Variants in ART3 observed in about 807,000 individuals in gnomAD.
The protein encoded by ART3 is ADP-ribosyltransferase 3 (inactive).
ART3 carries 49 observed loss-of-function variants against 48.5 expected under a neutral mutation model. The observed-to-expected ratio is 1.01, with a 90% confidence interval of 0.80 to 1.28. The LOEUF (loss-of-function observed/expected upper bound fraction) is 1.28, where lower values mean the gene tolerates loss of function less well. ART3 is among the 50% of genes most tolerant of loss of function. The pLI, the probability that ART3 is intolerant of heterozygous loss-of-function variation, is 0.00. For synonymous variants in ART3, 145 were observed against 157.2 expected (o/e 0.92, Z 0.58); for missense variants, 438 against 454.3 (o/e 0.96, Z 0.33).
At chr4:76,090,403 T>C (rs560707696) in intron 3 of ART3, among the ~76,000 whole-genome samples, 7 of 152,234 alleles carry the variant, frequency 4.6e-5, no homozygotes, top group Admixed American at 3.3e-4. Context: ...GTAACAGCCC[T>C]GCAGAAAGAG....
At chr4:76,095,835 C>G (rs752382440) in intron 3 of ART3, among the ~76,000 whole-genome samples, 5 of 152,204 alleles carry the variant, frequency 3.3e-5, no homozygotes, top group Admixed American at 1.3e-4. Context: ...CTGTAGCTTT[C>G]TTATCCACAA....
In ART3 at chr4:76,112,775, ATT is replaced by A. The variant is rs1729722092; in HGVS notation, c.*259_*260del. Reference sequence around the variant, plus strand: ...TACTTCTGATTAAATTCAATAAAAGATTTTGATTAGATATTTCAGAATTGCCA... The same window carrying A: ...TACTTCTGATTAAATTCAATAAAAGATTGATTAGATATTTCAGAATTGCCA... On this transcript the variant is annotated 3_prime_UTR_variant, in exon 12 of 12. Transcript: ENST00000355810. 6.1e-6 allele frequency: 2 copies of A among 330,358 alleles called. No individual in the cohort carries two copies. The highest frequency in any genetic ancestry group is 4.7e-5 in the Admixed American group (1 of 21,470). 20.5% of individuals were successfully genotyped at this position (330,358 alleles called of 1,614,324 possible). A position where few individuals can be genotyped will look rare whatever the true frequency, so the allele number is the denominator to read the frequency against.
At chr4:76,022,478 A>G (rs1406851593) in intron 1 of ART3, 1 of 1,600,868 alleles carries the variant, frequency 6.2e-7, no homozygotes, top group African/African-American at 1.3e-5. Context: ...ATAGGGATGA[A>G]AATATTTAAA....
chr4:76,067,546 G>T (rs1205497982), intron 1 of ART3, among the ~76,000 whole-genome samples: 1 of 152,226 alleles, frequency 6.6e-6, no homozygotes, highest in African/African-American at 2.4e-5. Context: ...AGAACTAACA[G>T]AGAACAGAGA....
chr4:76,047,495 C>T (rs1489475176), intron 1 of ART3, among the ~76,000 whole-genome samples: 1 of 152,038 alleles, frequency 6.6e-6, no homozygotes, highest in Non-Finnish European at 1.5e-5. Context: ...TAAGGCCTCT[C>T]ATAGCCGCTC....
chr4:76,083,883 T>C (rs918078449), intron 3 of ART3, among the ~76,000 whole-genome samples: 5 of 152,128 alleles, frequency 3.3e-5, no homozygotes, highest in African/African-American at 9.7e-5. Flanking sequence ...AAATGGCTGT[T>C]AGATCAGTAA....
chr4:76,078,648 T>A (rs56693549), intron 2 of ART3, among the ~76,000 whole-genome samples: 3,754 of 51,088 alleles, frequency 0.073, 151 homozygotes, highest in African/African-American at 0.28. Context: ...TAAAATGGTG[T>A]TAACTATTTT....
chr4:76,068,847 T>C (rs1423503478), intron 1 of ART3, among the ~76,000 whole-genome samples: 1 of 152,112 alleles, frequency 6.6e-6, no homozygotes, highest in Non-Finnish European at 1.5e-5. Flanking sequence ...TGGGTTTTGT[T>C]TTTGTTTTTG....
At chr4:76,022,628 A>C in intron 1 of ART3, 1 of 1,531,180 alleles carries the variant, frequency 6.5e-7, no homozygotes, top group South Asian at 1.2e-5. Flanking sequence ...TATTATCATT[A>C]CATATTTAAT....
At chr4:76,048,682 A>G (rs1381274280) in intron 1 of ART3, among the ~76,000 whole-genome samples, 3 of 151,906 alleles carry the variant, frequency 2.0e-5, no homozygotes, top group African/African-American at 7.2e-5. Context: ...CGGAAACACT[A>G]GTTTTCCTCC....
At chr4:76,063,763 A>G (rs1334073022) in intron 1 of ART3, among the ~76,000 whole-genome samples, 1 of 152,192 alleles carries the variant, frequency 6.6e-6, no homozygotes, top group African/African-American at 2.4e-5. Flanking sequence ...ATGATAGTGA[A>G]AAATAGAATA....
upstream of ART3, among the ~76,000 whole-genome samples, chr4:76,073,975 A>AG (rs1163339471): frequency 2.0e-5 from 3 of 152,244 alleles, no homozygotes; most frequent in African/African-American, 4.8e-5. Flanking sequence ...TATTATGAAT[A>AG]GTGCTACTAT....
chr4:76,037,811 C>G (rs763266031), intron 1 of ART3, among the ~76,000 whole-genome samples: 2 of 152,006 alleles, frequency 1.3e-5, no homozygotes, highest in Admixed American at 6.5e-5. Context: ...CAAGAATTTT[C>G]TCCTATTTCC....
intron 1 of ART3, among the ~76,000 whole-genome samples, chr4:76,055,110 G>T (rs1373958697): frequency 6.6e-6 from 1 of 152,088 alleles, no homozygotes; most frequent in Non-Finnish European, 1.5e-5. Context: ...TAACATCCTG[G>T]TTTCACCTTT....
intron 2 of ART3, among the ~76,000 whole-genome samples, chr4:76,078,702 T>C (rs1374525581): frequency 6.6e-6 from 1 of 152,210 alleles, no homozygotes; most frequent in Non-Finnish European, 1.5e-5. Context: ...AGAATTACAC[T>C]CTTTTTCAAG....
In ART3 at chr4:76,046,251, G is replaced by A. The variant is rs149117129; in HGVS notation, c.-9-29630G>A. 9.6e-3 allele frequency among the ~76,000 whole-genome samples: 1,466 copies of A among 152,110 alleles called. 27 individuals carry two copies. The highest frequency in any genetic ancestry group is 0.033 in the African/African-American group (1,379 of 41,546). On this transcript the variant is annotated intron_variant, in intron 1 of 9. Coordinates refer to the ART3 transcript ENST00000341029. The stretch of plus-strand genomic sequence containing the variant: ...GCAAAGAGAAACTGGGAGTCAGAGT[G>A]CAGGGGAATAAAGAAGAAGGCATCC...
chr4:76,088,393 A>G (rs544417113), intron 3 of ART3, among the ~76,000 whole-genome samples: 2 of 152,178 alleles, frequency 1.3e-5, no homozygotes, highest in African/African-American at 4.8e-5. Context: ...GCTGGAAAGT[A>G]GCCTTGATAG....
intron 1 of ART3, among the ~76,000 whole-genome samples, chr4:76,012,466 C>T (rs1251290579): frequency 1.3e-5 from 2 of 152,146 alleles, no homozygotes; most frequent in Non-Finnish European, 2.9e-5. Flanking sequence ...GGGAGTCATT[C>T]CTTCCTTCCT....
chr4:76,014,627 A>T (rs1014658538), intron 1 of ART3, among the ~76,000 whole-genome samples: 4 of 152,090 alleles, frequency 2.6e-5, no homozygotes, highest in South Asian at 4.1e-4. Flanking sequence ...GGGACAGAAG[A>T]CTATTCACAG....
Sources: gnomAD v4.1 joint callset for allele counts (sites outside exome capture counted in the v4.1 genomes callset) on GRCh38, gnomAD v4.1.1 for gene constraint, MANE v1.5 for transcripts, NCBI Gene and HGNC (gene_info 2026-07-23, HGNC 2026-07-21) for gene names.